MORN1: variants seen among roughly 807,000 people sequenced by gnomAD.
MORN1 encodes MORN repeat-containing protein 1.
A neutral mutation model predicts 61.9 loss-of-function variants in MORN1; 67 were observed. That is an observed-to-expected ratio of 1.08 (90% CI 0.89 to 1.33). The LOEUF is 1.33. Ranked by LOEUF, MORN1 falls within the 40% of genes most tolerant of loss-of-function variation. The pLI, the probability that MORN1 is intolerant of heterozygous loss-of-function variation, is 0.00. For synonymous variants in MORN1, 301 were observed against 292.0 expected, an observed-to-expected ratio of 1.03 and a Z score of -0.31; for missense variants, 752 against 691.2, an observed-to-expected ratio of 1.09 and a Z score of -0.99.
chr1:2,336,506 T>A lies in MORN1; in HGVS notation c.1213A>T (p.Thr405Ser), dbSNP rs141101110. 31 of 1,612,324 alleles carry A rather than the reference T, an allele frequency of 1.9e-5. No individual in the cohort carries two copies. The highest frequency in any genetic ancestry group is 2.5e-5 in the Non-Finnish European group (29 of 1,179,748). ...GGAGGCTCCTGTGCCGTGGGTGGTGTCCCCCTGGGGTGCAGGCCGCCTCTG... is the reference window on the plus strand; with the variant it reads ...GGAGGCTCCTGTGCCGTGGGTGGTGACCCCCTGGGGTGCAGGCCGCCTCTG... ...RSRGGLHPRGTPPTAQEPPGG... is the reference protein window; with the variant it reads ...RSRGGLHPRGSPPTAQEPPGG... The change falls in exon 12 of 14, where the codon ACA (threonine) becomes TCA (serine). Residue 405 changes from threonine to serine, a missense_variant. Coordinates refer to ENST00000378531, the MANE Select transcript of MORN1 (RefSeq NM_024848.3).
In MORN1 at chr1:2,372,493, C is replaced by G. The variant is rs762869199; in HGVS notation, c.733G>C (p.Glu245Gln). 19 of 1,613,044 alleles carry G rather than the reference C, an allele frequency of 1.2e-5. No individual in the cohort carries two copies. The highest frequency in any genetic ancestry group is 1.4e-5 in the Non-Finnish European group (17 of 1,179,534). The change falls in exon 8 of 14, where the codon GAA becomes CAA. Residue 245 changes from glutamate (E) to glutamine (Q), a missense_variant. By Grantham distance (29) the Glu-to-Gln change is conservative. Coordinates refer to ENST00000378531, the MANE Select transcript of MORN1 (RefSeq NM_024848.3). This position sits in a 1 kb window ranked among gnomAD's most constrained non-coding sequence, Gnocchi z 5.4. ...VNVQLLQDHG[E>Q]IAKSESGRVL... is the part of the protein sequence containing the mutation. ...TGGAGATGCTTACTCTTGGCAATTTCCCCGTGGTCCTGCAGCAGCTGAACG... is the reference window on the plus strand; with the variant it reads ...TGGAGATGCTTACTCTTGGCAATTTGCCCGTGGTCCTGCAGCAGCTGAACG...
intron 12 of MORN1, among the ~76,000 whole-genome samples, chr1:2,331,932 C>G (rs1641162964): frequency 7.2e-6 from 1 of 139,472 alleles, no homozygotes; most frequent in African/African-American, 2.7e-5. Flanking sequence ...GCGCCTCTCC[C>G]TCGTGCGCCT....
At chr1:2,385,378 GC>G (rs1642470745) in intron 5 of MORN1, 1 of 469,836 alleles carries the variant, frequency 2.1e-6, no homozygotes, top group Non-Finnish European at 3.8e-6. Flanking sequence ...AGCCAGTGAG[GC>G]TGAGACTCCG....
chr1:2,356,241 G>C (rs1446511882), intron 10 of MORN1, among the ~76,000 whole-genome samples: 3 of 152,184 alleles, frequency 2.0e-5, no homozygotes, highest in Non-Finnish European at 2.9e-5. Context: ...GGCTGGGCAG[G>C]GACATGGCAG....
intron 12 of MORN1, among the ~76,000 whole-genome samples, chr1:2,329,819 C>T (rs1257354731): frequency 6.6e-6 from 1 of 152,230 alleles, no homozygotes; most frequent in Admixed American, 6.5e-5. Flanking sequence ...CGTGCAGGTA[C>T]AGCGTGGAGG....
chr1:2,323,868 C>A lies in MORN1; in HGVS notation c.1297+229G>T, dbSNP rs76962161. 3,524 of 985,222 alleles carry A rather than the reference C, an allele frequency of 3.6e-3. 107 individuals carry two copies. The African/African-American group carries it at 0.057, about 16-fold the overall frequency. The allele number at this position is 985,222 out of a possible 1,614,324, so 61.0% of individuals were successfully genotyped here. A position where few individuals can be genotyped will look rare whatever the true frequency, so the allele number is the denominator to read the frequency against. ...ACATTCCCCACATCAAGGGCTGTGTCGGCCCAGCTTCAAATCTTTCTGGAC... is the reference window on the plus strand; with the variant it reads ...ACATTCCCCACATCAAGGGCTGTGTAGGCCCAGCTTCAAATCTTTCTGGAC... On this transcript the variant is annotated intron_variant, in intron 13 of 13. Transcript: ENST00000378531.
intron 8 of MORN1, among the ~76,000 whole-genome samples, chr1:2,367,013 T>C (rs1392946458): frequency 1.3e-5 from 2 of 150,874 alleles, no homozygotes; most frequent in East Asian, 3.9e-4. Flanking sequence ...GAAAAATACA[T>C]AGAAAAATAC....
chr1:2,388,284 C>A lies in MORN1; in HGVS notation c.202G>T (p.Asp68Tyr), dbSNP rs1642553948. 1 of 1,613,886 alleles carries A rather than the reference C, an allele frequency of 6.2e-7. No homozygotes were observed. Among genetic ancestry groups the A allele is most frequent in the African/African-American group, 1.3e-5 (1 of 74,922 alleles). ...CGGCCTTCTCCCGTGATCTCTCCGTCCACAAACGCCCCTTCGTAATAACTG... is the reference window on the plus strand; with the variant it reads ...CGGCCTTCTCCCGTGATCTCTCCGTACACAAACGCCCCTTCGTAATAACTG... The part of the protein sequence containing the change: ...DGSYYEGAFV[D>Y]GEITGEGRRH... Residue 68 changes from aspartate to tyrosine, a missense_variant, in exon 3 of 14, where the codon GAC becomes TAC. Physicochemically the swap from Asp to Tyr is radical, Grantham distance 160. Transcript: ENST00000378531.
chr1:2,323,845 A>G, intron 13 of MORN1: 1 of 984,900 alleles, frequency 1.0e-6, no homozygotes, highest in Non-Finnish European at 1.2e-6. Context: ...TTTCTAGGAC[A>G]TTCCCCACAT....
intron 10 of MORN1, among the ~76,000 whole-genome samples, chr1:2,354,960 G>C (rs753030011): frequency 4.6e-5 from 7 of 152,202 alleles, no homozygotes; most frequent in African/African-American, 1.2e-4. Context: ...TTTTGTGCTG[G>C]AGAATTTACG....
intron 8 of MORN1, among the ~76,000 whole-genome samples, chr1:2,370,809 G>A (rs1246132440): frequency 6.6e-6 from 1 of 151,690 alleles, no homozygotes; most frequent in African/African-American, 2.4e-5. Flanking sequence ...CTTCCGAGTA[G>A]CTGGGACCAC....
intron 10 of MORN1, among the ~76,000 whole-genome samples, chr1:2,347,082 C>T (rs1641535167): frequency 1.3e-5 from 2 of 152,154 alleles, no homozygotes; most frequent in Admixed American, 1.3e-4. Context: ...ATGGGGAGCT[C>T]TTGGGAGATG....
At chr1:2,342,459 T>C (rs1462869575) in intron 10 of MORN1, among the ~76,000 whole-genome samples, 1 of 152,218 alleles carries the variant, frequency 6.6e-6, no homozygotes, top group Non-Finnish European at 1.5e-5. Context: ...ACAGTCTCGT[T>C]TGGAGGTGAC....
At chr1:2,355,041 G>T in intron 10 of MORN1, 1 of 469,606 alleles carries the variant, frequency 2.1e-6, no homozygotes, top group Non-Finnish European at 2.8e-6. Flanking sequence ...AGGCCCCCCA[G>T]GTAGGATCCG....
intron 8 of MORN1, among the ~76,000 whole-genome samples, chr1:2,368,591 G>C (rs1210193838): frequency 2.0e-5 from 3 of 152,150 alleles, no homozygotes; most frequent in Non-Finnish European, 1.5e-5. Flanking sequence ...ATTTGGTCTT[G>C]TGTCTGAGCC....
chr1:2,379,157 TGA>T, intron 6 of MORN1: 1 of 471,190 alleles, frequency 2.1e-6, no homozygotes. Flanking sequence ...TCACCAACCC[TGA>T]GCTCATGGTG....
intron 8 of MORN1, among the ~76,000 whole-genome samples, chr1:2,369,056 CAA>C (rs1274182365): frequency 4.2e-5 from 5 of 120,140 alleles, no homozygotes; most frequent in Non-Finnish European, 3.5e-5. Context: ...GACCCAGTCT[CAA>C]AAAAAAAAAA....
At chr1:2,327,801 G>A (rs1641069094) in intron 12 of MORN1, among the ~76,000 whole-genome samples, 1 of 152,272 alleles carries the variant, frequency 6.6e-6, no homozygotes, top group African/African-American at 2.4e-5. Context: ...CTCTGGCGGT[G>A]ACCAGAATGG....
At position 2,382,432 on chromosome 1, in the gene MORN1, C is replaced by A. The variant is rs1015807321; in HGVS notation, c.537+2546G>T. ...AAAGGCTGACAGCAGCGCCTGGCAC[C>A]CAGGAAGTGAAACCACACACCCGAG... On this transcript the variant is annotated intron_variant, in intron 6 of 13. Coordinates refer to ENST00000378531, the MANE Select transcript of MORN1 (RefSeq NM_024848.3). Among the ~76,000 whole-genome samples the A allele has an allele frequency of 1.4e-4, 22 of 152,310 alleles. No homozygotes were observed. In the East Asian group the frequency reaches 4.1e-3, roughly 28 times the overall value.
Sources: allele counts gnomAD v4.1 joint callset (sites outside exome capture counted in the v4.1 genomes callset), GRCh38; gene constraint gnomAD v4.1.1; non-coding constraint Gnocchi (gnomAD v3.1); transcripts MANE v1.5; gene names NCBI Gene and HGNC (gene_info 2026-07-23, HGNC 2026-07-21).